The following CALN1 variants were observed in gnomAD, a reference collection of about 807,000 sequenced individuals.
The protein encoded by CALN1 is calcium-binding protein 8.
A neutral mutation model predicts 30.6 loss-of-function variants in CALN1; 17 were observed. That is an observed-to-expected ratio of 0.56 (90% CI 0.38 to 0.83). The LOEUF is 0.83. Ranked by LOEUF, CALN1 falls within the 40% of genes least tolerant of loss-of-function variation. The probability of loss-of-function intolerance (pLI) is 0.00; values close to 1 mark genes in which losing one functional copy is unlikely to be tolerated. For synonymous variants in CALN1, 156 were observed against 131.4 expected (o/e 1.19, Z -1.28); for missense variants, 291 against 354.9 (o/e 0.82, Z 1.45).
intron 4 of CALN1, among the ~76,000 whole-genome samples, chr7:72,082,506 A>T (rs969063650): frequency 1.2e-4 from 19 of 152,188 alleles, no homozygotes; most frequent in Non-Finnish European, 1.9e-4. Context: ...AGGACTAGAA[A>T]CAGAATGGAA....
chr7:72,466,910 AG>A, the CALN1 span, among the ~76,000 whole-genome samples: 1 of 152,176 alleles, frequency 6.6e-6, no homozygotes, highest in Admixed American at 6.5e-5. Context: ...AGAGAAAGAA[AG>A]AAAGAAAATG....
chr7:72,462,324 T>G, the CALN1 span, among the ~76,000 whole-genome samples: 3 of 152,130 alleles, frequency 2.0e-5, no homozygotes, highest in Admixed American at 1.3e-4. Context: ...TAGCTGGGAC[T>G]ACAGGTGTGC....
intron 4 of CALN1, among the ~76,000 whole-genome samples, chr7:72,042,520 A>T (rs1312617694): frequency 6.6e-6 from 1 of 152,154 alleles, no homozygotes. Context: ...CAAGGTTTTC[A>T]TTGGGAGCTG....
At chr7:71,851,085 G>A (rs2116587837) in intron 5 of CALN1, among the ~76,000 whole-genome samples, 1 of 152,092 alleles carries the variant, frequency 6.6e-6, no homozygotes, top group African/African-American at 2.4e-5. Context: ...GCACGGTGGT[G>A]CACACCTGTA....
chr7:72,246,746 C>T (rs985223773), intron 3 of CALN1, among the ~76,000 whole-genome samples: 4 of 127,874 alleles, frequency 3.1e-5, no homozygotes, highest in African/African-American at 8.5e-5. Flanking sequence ...TCATTCCTAC[C>T]AGAACAATTT....
At chr7:72,357,812 A>G (rs1803322609) in intron 2 of CALN1, among the ~76,000 whole-genome samples, 1 of 147,308 alleles carries the variant, frequency 6.8e-6, no homozygotes, top group Non-Finnish European at 1.5e-5. Context: ...CTTTTATTTT[A>G]TATATTTATA....
intron 2 of CALN1, among the ~76,000 whole-genome samples, chr7:72,302,893 C>CAAAAAAAAAAA (rs71069055): frequency 8.2e-5 from 4 of 48,754 alleles, no homozygotes; most frequent in Non-Finnish European, 1.5e-4. Flanking sequence ...GTGAGGGTCT[C>CAAAAAAAAAAA]AAAAAAAAAA....
At chr7:72,085,005 C>G (rs933444680) in intron 4 of CALN1, among the ~76,000 whole-genome samples, 1 of 152,156 alleles carries the variant, frequency 6.6e-6, no homozygotes, top group East Asian at 1.9e-4. Flanking sequence ...ACTACCTGCC[C>G]GTTAGTCACT....
chr7:72,196,757 A>G (rs1409371139), intron 3 of CALN1, among the ~76,000 whole-genome samples: 1 of 152,186 alleles, frequency 6.6e-6, no homozygotes, highest in Non-Finnish European at 1.5e-5. Flanking sequence ...CCACTATATC[A>G]AACACCTTAC....
intron 2 of CALN1, among the ~76,000 whole-genome samples, chr7:72,280,156 A>G (rs1330130039): frequency 1.3e-5 from 2 of 152,132 alleles, no homozygotes; most frequent in African/African-American, 4.8e-5. Context: ...AAATGAATTA[A>G]TTATCTTCCT....
chr7:71,883,632 T>C (rs1012154452), intron 5 of CALN1, among the ~76,000 whole-genome samples: 12 of 152,172 alleles, frequency 7.9e-5, no homozygotes, highest in African/African-American at 2.9e-4. Context: ...GTTCCTGGAA[T>C]GCCTCTAAGA....
At chr7:72,361,629 T>C (rs1803573889) in intron 2 of CALN1, among the ~76,000 whole-genome samples, 1 of 152,212 alleles carries the variant, frequency 6.6e-6, no homozygotes, top group Non-Finnish European at 1.5e-5. Context: ...CACGTTTACA[T>C]TCACTTGATC....
chr7:72,401,867 T>TTC (rs1341502127), intron 2 of CALN1, among the ~76,000 whole-genome samples: 3 of 152,108 alleles, frequency 2.0e-5, no homozygotes, highest in African/African-American at 4.8e-5. Flanking sequence ...ACCAAAATGT[T>TTC]TCTCTTACTC....
intron 1 of CALN1, among the ~76,000 whole-genome samples, chr7:72,440,288 A>G (rs898371313): frequency 6.6e-6 from 1 of 152,220 alleles, no homozygotes; most frequent in African/African-American, 2.4e-5. Flanking sequence ...CACCCATACA[A>G]TGATTATCTC....
At chr7:72,283,955 T>A (rs1422388956) in intron 2 of CALN1, among the ~76,000 whole-genome samples, 2 of 152,224 alleles carry the variant, frequency 1.3e-5, no homozygotes, top group Non-Finnish European at 2.9e-5. Flanking sequence ...GGATGGTTCC[T>A]GTTAATGGGG....
chr7:72,139,599 C>T (rs576136133), intron 3 of CALN1, among the ~76,000 whole-genome samples: 90 of 151,664 alleles, frequency 5.9e-4, no homozygotes, highest in Non-Finnish European at 1.2e-3. Context: ...TTCTAAGCAC[C>T]TCAGTCAAGT....
intron 4 of CALN1, among the ~76,000 whole-genome samples, chr7:72,096,058 T>TAGAC (rs1806201161): frequency 6.6e-6 from 1 of 150,690 alleles, no homozygotes; most frequent in Non-Finnish European, 1.5e-5. Flanking sequence ...GATAGATAGA[T>TAGAC]AGATAGATAG....
At chr7:71,883,626 C>T (rs1792717577) in intron 5 of CALN1, among the ~76,000 whole-genome samples, 1 of 152,158 alleles carries the variant, frequency 6.6e-6, no homozygotes, top group African/African-American at 2.4e-5. Context: ...AACCCTGTTC[C>T]TGGAATGCCT....
Position 72,236,059 on chromosome 7 carries a change from TATA to T in CALN1, c.244+42624_244+42626del, listed in dbSNP as rs1331101941. On this transcript the variant is annotated intron_variant, in intron 3 of 6. Transcript: ENST00000395275. ...AGGAGTTCGAGACCTGCCTGGGCAA[TATA>T]ATGAGCCCATTCTCCACAAAAAAAA... is the stretch of plus-strand genomic sequence containing the variant. Among the ~76,000 whole-genome samples the T allele has an allele frequency of 5.9e-5, 7 of 118,822 alleles. No homozygotes were observed. In the East Asian group the frequency reaches 1.4e-3, roughly 24 times the overall value. The allele number at this position is 118,822 out of a possible 152,430, so 78.0% of individuals were successfully genotyped here. A position where few individuals can be genotyped will look rare whatever the true frequency, so the allele number is the denominator to read the frequency against.
Sources: allele counts gnomAD v4.1 joint callset (sites outside exome capture counted in the v4.1 genomes callset), GRCh38; gene constraint gnomAD v4.1.1; transcripts MANE v1.5; gene names NCBI Gene and HGNC (gene_info 2026-07-23, HGNC 2026-07-21).